Variants in CHD1 observed in about 807,000 individuals in gnomAD.
The protein encoded by CHD1 is chromodomain helicase DNA binding protein 1, also known as ATP-dependent chromatin remodeler CHD1.
CHD1 carries 36 observed loss-of-function variants against 224.2 expected under a neutral mutation model. The observed-to-expected ratio is 0.16, with a 90% CI of 0.12 to 0.21. The LOEUF (loss-of-function observed/expected upper bound fraction) is 0.21, where lower values mean the gene tolerates loss of function less well. CHD1 is among the 10% of genes least tolerant of loss of function. The probability of loss-of-function intolerance (pLI) is 1.00; values close to 1 mark genes in which losing one functional copy is unlikely to be tolerated. For missense variants in CHD1, 1,378 were observed against 1,994.8 expected, an observed-to-expected ratio of 0.69 and a Z score of 5.89; for synonymous variants, 668 against 658.3, an observed-to-expected ratio of 1.01 and a Z score of -0.23.
At chr5:98,923,449 C>T (rs1420750243) in intron 2 of CHD1, among the ~76,000 whole-genome samples, 1 of 148,566 alleles carries the variant, frequency 6.7e-6, no homozygotes, top group African/African-American at 2.5e-5. Context: ...CGGAGTTTCA[C>T]TTGTTTCCCA....
chr5:98,923,660 T>G (rs912198175), intron 2 of CHD1, among the ~76,000 whole-genome samples: 7 of 152,160 alleles, frequency 4.6e-5, no homozygotes, highest in African/African-American at 1.2e-4. Flanking sequence ...GTGATCTGCC[T>G]GCTCGGCCTC....
chr5:98,918,211 A>C (rs1268589373), intron 2 of CHD1, among the ~76,000 whole-genome samples: 2 of 151,522 alleles, frequency 1.3e-5, no homozygotes, highest in Non-Finnish European at 2.9e-5. Flanking sequence ...GTGCCCGCCA[A>C]CACGCCCAGC....
At position 98,901,343 on chromosome 5, in the gene CHD1, CA is replaced by C; in HGVS notation, c.438-9del. ...GACATTTGCCAATCTTCACTGCAGA[CA>C]AAATTTATAAAGTATTTTTATTTGT... On this transcript the variant is annotated splice_polypyrimidine_tract_variant and intron_variant, in intron 5 of 35. Coordinates refer to ENST00000614616, the MANE Select transcript of CHD1 (RefSeq NM_001270.4). 1 of 1,592,128 alleles carries C rather than the reference CA, an allele frequency of 6.3e-7. No individual in the cohort carries two copies. Among genetic ancestry groups the C allele is most frequent in the Non-Finnish European group, 8.5e-7 (1 of 1,173,714 alleles).
chr5:98,906,341 A>G (rs1752049980), intron 2 of CHD1, among the ~76,000 whole-genome samples: 1 of 152,220 alleles, frequency 6.6e-6, no homozygotes, highest in South Asian at 2.1e-4. Context: ...CACATAGTTT[A>G]GAGGTCCAAA....
chr5:98,865,963 AG>A (rs59655812), intron 31 of CHD1, among the ~76,000 whole-genome samples: 8 of 151,728 alleles, frequency 5.3e-5, no homozygotes, highest in Admixed American at 2.0e-4. Context: ...GGGGAAAAAA[AG>A]GTGGCAAGAG....
chr5:98,922,578 G>C (rs753554923), intron 2 of CHD1, among the ~76,000 whole-genome samples: 1 of 151,906 alleles, frequency 6.6e-6, no homozygotes, highest in African/African-American at 2.4e-5. Context: ...AAAAGAAAAA[G>C]GAAATTTTGA....
intron 31 of CHD1, among the ~76,000 whole-genome samples, chr5:98,866,723 G>T (rs989015842): frequency 6.6e-6 from 1 of 152,030 alleles, no homozygotes; most frequent in African/African-American, 2.4e-5. Context: ...TGTGTATATT[G>T]TAACTATATA....
At chr5:98,913,464 C>T (rs1752550059) in intron 2 of CHD1, among the ~76,000 whole-genome samples, 1 of 152,052 alleles carries the variant, frequency 6.6e-6, no homozygotes, top group South Asian at 2.1e-4. Context: ...AAGAGCCAGA[C>T]CCTAACTCTT....
rs927514262 is a variant in CHD1 at position 98,854,616 on chromosome 5, A to C, written c.*1764T>G. The C allele has an allele frequency of 1.3e-5, 2 of 152,190 alleles. No individual in the cohort carries two copies. The highest frequency in any genetic ancestry group is 1.9e-4 in the East Asian group (1 of 5,206). The allele number at this position is 152,190 out of a possible 1,614,324, so 9.4% of individuals were successfully genotyped here. The stretch of plus-strand genomic sequence containing the variant: ...ACCAGAAAAGAAACAAAGCATTATT[A>C]TTCTTCAGGGTAACTGTATCAGAAA... On this transcript the variant is annotated 3_prime_UTR_variant, in exon 36 of 36. Coordinates refer to ENST00000614616, the MANE Select transcript of CHD1 (RefSeq NM_001270.4).
rs1040895120 is a variant in CHD1, at chr5:98,898,701, A to T, written c.1149T>A (p.Asp383Glu). ...YYNCQQELTD[D>E]LHKQYQIVER... ...CCACTATTTGATACTGTTTATGTAG[A>T]TCATCTGTAAGTTCTTGCTGGCAAT... The change falls in exon 9 of 36, where the codon GAT (aspartate) becomes GAA (glutamate). Residue 383 changes from aspartate to glutamate, a missense_variant. Transcript: ENST00000614616. The T allele has an allele frequency of 1.3e-6, 2 of 1,594,530 alleles. No individual in the cohort carries two copies. The highest frequency in any genetic ancestry group is 1.7e-6 in the Non-Finnish European group (2 of 1,163,416).
chr5:98,861,774 T>C (rs773780401), intron 32 of CHD1, among the ~76,000 whole-genome samples: 7 of 151,834 alleles, frequency 4.6e-5, no homozygotes, highest in Non-Finnish European at 1.0e-4. Flanking sequence ...CGTGCTGGGA[T>C]TATAGGCATG....
rs200535497 is a variant in CHD1 at position 98,894,618 on chromosome 5, A to G, written c.1779T>C (p.Tyr593=). The part of the protein sequence containing the change: ...RLKFNILLTT[Y]EILLKDKAFL... ...ATACCTTATCTTTTAATAAAATTTC[A>G]TAAGTTGTTAACAATATATTAAATT... The change falls in exon 13 of 36, where the codon TAT becomes TAC. Residue 593 remains tyrosine, a synonymous_variant. Coordinates refer to ENST00000614616, the MANE Select transcript of CHD1 (RefSeq NM_001270.4). The G allele has an allele frequency of 4.4e-5, 61 of 1,389,946 alleles. No homozygotes were observed. Among genetic ancestry groups the G allele is most frequent in the African/African-American group, 2.9e-4 (20 of 68,764 alleles). 86.1% of individuals were successfully genotyped at this position (1,389,946 alleles called of 1,614,324 possible).
chr5:98,877,406 C>T (rs1749842573), intron 23 of CHD1, among the ~76,000 whole-genome samples: 1 of 152,206 alleles, frequency 6.6e-6, no homozygotes, highest in African/African-American at 2.4e-5. Context: ...TCAGTCCTAT[C>T]TCTGGATGAA....
intron 30 of CHD1, chr5:98,868,896 A>C: frequency 1.4e-5 from 7 of 489,138 alleles, no homozygotes; most frequent in Admixed American, 5.3e-5. Context: ...ATACCCAAAC[A>C]TGCTTCTGAA....
intron 30 of CHD1, 60 bp downstream of exon 30, chr5:98,869,694 C>CA (rs1238483460): frequency 2.6e-6 from 4 of 1,567,164 alleles, no homozygotes; most frequent in Non-Finnish European, 3.5e-6. Flanking sequence ...GTAAAGTACA[C>CA]AAAAACATGC....
chr5:98,897,276 T>C lies in CHD1; in HGVS notation c.1410A>G (p.Pro470=), dbSNP rs776381504. Residue 470 remains proline (P), a synonymous_variant, in exon 11 of 36, where the codon CCA becomes CCG. Transcript: ENST00000614616. ...AGCCCTCATGTCCTCCAATATAGGATGGCTGCTTCTTCAGGGCTACAAACC... is the reference window on the plus strand; with the variant it reads ...AGCCCTCATGTCCTCCAATATAGGACGGCTGCTTCTTCAGGGCTACAAACC... ...RPRFVALKKQ[P]SYIGGHEGLE... is the part of the protein sequence containing the mutation. 1.6e-5 allele frequency: 26 copies of C among 1,611,172 alleles called. No homozygotes were observed. The highest frequency in any genetic ancestry group is 1.7e-4 in the Middle Eastern group (1 of 6,050).
rs568549460 is a variant in CHD1, at chr5:98,877,544, C to T, written c.3238-986G>A. On this transcript the variant is annotated intron_variant, in intron 23 of 35. Coordinates refer to ENST00000614616, the MANE Select transcript of CHD1 (RefSeq NM_001270.4). ...CCACATAAAAGGCTATTTGTAACATCCATTAATTTTAATAAGATACATCAA... is the reference window on the plus strand; with the variant it reads ...CCACATAAAAGGCTATTTGTAACATTCATTAATTTTAATAAGATACATCAA... 7.2e-5 allele frequency among the ~76,000 whole-genome samples: 11 copies of T among 152,226 alleles called. No individual in the cohort carries two copies. The East Asian group carries it at 1.5e-3, about 21-fold the overall frequency.
chr5:98,889,565 A>ACTGCATT (rs1750876120), intron 15 of CHD1, among the ~76,000 whole-genome samples: 1 of 143,478 alleles, frequency 7.0e-6, no homozygotes, highest in Non-Finnish European at 1.5e-5. Context: ...ACTGCATTAG[A>ACTGCATT]CAGCTAATGA....
chr5:98,892,160 G>A (rs1751061438), intron 15 of CHD1, among the ~76,000 whole-genome samples: 1 of 152,120 alleles, frequency 6.6e-6, no homozygotes, highest in South Asian at 2.1e-4. Context: ...AAAAGCAGCA[G>A]AGCCTAAAAT....
Sources: gnomAD v4.1 joint callset for allele counts (sites outside exome capture counted in the v4.1 genomes callset) on GRCh38, gnomAD v4.1.1 for gene constraint, MANE v1.5 for transcripts, NCBI Gene and HGNC (gene_info 2026-07-23, HGNC 2026-07-21) for gene names.